MAPK8IP3: variants seen among roughly 807,000 people sequenced by gnomAD.
MAPK8IP3 encodes the protein mitogen-activated protein kinase 8 interacting protein 3.
MAPK8IP3 carries 49 observed loss-of-function variants against 157.8 expected under a neutral mutation model. The observed-to-expected ratio is 0.31, with a 90% confidence interval of 0.25 to 0.39. MAPK8IP3 has a LOEUF of 0.39. Ranked by LOEUF, MAPK8IP3 falls within the 10% of genes least tolerant of loss-of-function variation. The pLI, the probability that MAPK8IP3 is intolerant of heterozygous loss-of-function variation, is 1.00. For missense variants in MAPK8IP3, 1,478 were observed against 1,889.4 expected, an observed-to-expected ratio of 0.78 and a Z score of 4.04; for synonymous variants, 897 against 777.7, an observed-to-expected ratio of 1.15 and a Z score of -2.55.
rs2041839391 is a variant in MAPK8IP3, at chr16:1,759,943, C to T, written c.1247-15C>T. On this transcript the variant is annotated splice_polypyrimidine_tract_variant and intron_variant, in intron 10 of 31. Coordinates refer to ENST00000610761, the MANE Select transcript of MAPK8IP3 (RefSeq NM_001318852.2). Reference sequence around the variant, plus strand: ...TTGAAGGGCACAGGTGAAACCTCCGCACCTTCTGTTTCAGGAATGGGCAAA... The same window carrying T: ...TTGAAGGGCACAGGTGAAACCTCCGTACCTTCTGTTTCAGGAATGGGCAAA... 5 of 1,613,376 alleles carry T rather than the reference C, an allele frequency of 3.1e-6. No individual in the cohort carries two copies. Among genetic ancestry groups the T allele is most frequent in the Admixed American group, 1.7e-5 (1 of 60,030 alleles).
intron 4 of MAPK8IP3, among the ~76,000 whole-genome samples, chr16:1,730,448 AC>A (rs2039229381): frequency 6.6e-6 from 1 of 151,958 alleles, no homozygotes; most frequent in Non-Finnish European, 1.5e-5. Context: ...TATTAAAAAT[AC>A]AAAAATTAAG....
At chr16:1,721,815 G>C (rs2038543721) in intron 1 of MAPK8IP3, among the ~76,000 whole-genome samples, 1 of 152,076 alleles carries the variant, frequency 6.6e-6, no homozygotes, top group Non-Finnish European at 1.5e-5. Context: ...TGTCGCCCAG[G>C]CTGGAGTGCA....
chr16:1,748,975 C>A, intron 8 of MAPK8IP3: 2 of 625,198 alleles, frequency 3.2e-6, no homozygotes, highest in South Asian at 2.9e-5. Flanking sequence ...AGTGTTTGCA[C>A]CCTCCCGTGT....
chr16:1,756,119 C>T (rs1365981698), intron 8 of MAPK8IP3, among the ~76,000 whole-genome samples: 2 of 152,086 alleles, frequency 1.3e-5, no homozygotes, highest in African/African-American at 4.8e-5. Flanking sequence ...TTCGAGGGAG[C>T]AGTCGGGCAG....
chr16:1,745,948 C>G (rs148997433), intron 5 of MAPK8IP3: 1 of 152,350 alleles, frequency 6.6e-6, no homozygotes, highest in African/African-American at 2.4e-5. Flanking sequence ...GAAGTCCCGT[C>G]TGCCCTGGTC....
Position 1,762,466 on chromosome 16 carries a change from G to T in MAPK8IP3, c.1655G>T (p.Trp552Leu). The change falls in exon 14 of 32, where the codon TGG (tryptophan) becomes TTG (leucine). Residue 552 changes from tryptophan to leucine, a missense_variant. This residue lies in a region of MAPK8IP3 where 11 missense variants were observed against 47.3 expected (regional missense o/e 0.23). Transcript: ENST00000610761. ...RLMELQEAVR[W>L]TEMIRASREH... ...ATGGAGCTGCAGGAGGCTGTGCGGTGGACTGAGATGATCAGGTGGGAGTTG... is the reference window on the plus strand; with the variant it reads ...ATGGAGCTGCAGGAGGCTGTGCGGTTGACTGAGATGATCAGGTGGGAGTTG... The T allele has an allele frequency of 6.2e-7, 1 of 1,611,176 alleles. No individual in the cohort carries two copies. The highest frequency in any genetic ancestry group is 8.5e-7 in the Non-Finnish European group (1 of 1,178,946).
chr16:1,735,966 G>T (rs1353928490), intron 4 of MAPK8IP3, among the ~76,000 whole-genome samples: 1 of 145,846 alleles, frequency 6.9e-6, no homozygotes, highest in Non-Finnish European at 1.5e-5. Flanking sequence ...GCCCATGTGA[G>T]CATCCGTGTG....
intron 22 of MAPK8IP3, 21 bp from the exon 23 acceptor site, chr16:1,766,508 G>A (rs772188869): frequency 7.1e-5 from 114 of 1,609,450 alleles, no homozygotes; most frequent in Non-Finnish European, 8.5e-5. Flanking sequence ...GCCCCCCCTG[G>A]AGCCACCGTT....
chr16:1,732,972 A>G (rs1009509231), intron 4 of MAPK8IP3, among the ~76,000 whole-genome samples: 2 of 152,184 alleles, frequency 1.3e-5, no homozygotes, highest in Non-Finnish European at 2.9e-5. Flanking sequence ...ACAGTGGGAG[A>G]TTCTCATTCG....
chr16:1,768,010 C>T (rs900821028), intron 28 of MAPK8IP3, 59 bp from the exon 29 acceptor site: 1 of 1,610,076 alleles, frequency 6.2e-7, no homozygotes, highest in Non-Finnish European at 8.5e-7. Flanking sequence ...TTGGAGGGTG[C>T]CTTGCTGCCC....
chr16:1,748,451 C>A, intron 7 of MAPK8IP3, 105 bp downstream of exon 7: 1 of 1,179,208 alleles, frequency 8.5e-7, no homozygotes, highest in Non-Finnish European at 1.2e-6. Context: ...ACCATCAAGG[C>A]TGTGGCCTAC....
In MAPK8IP3 at chr16:1,748,604, C is replaced by T. The variant is rs768057370; in HGVS notation, c.1100C>T (p.Pro367Leu). 7 of 1,613,304 alleles carry T rather than the reference C, an allele frequency of 4.3e-6. No homozygotes were observed. Among genetic ancestry groups the T allele is most frequent in the Non-Finnish European group, 3.4e-6 (4 of 1,179,362 alleles). The change falls in exon 8 of 32, where the codon CCA (proline) becomes CTA (leucine). Residue 367 changes from proline (P) to leucine (L), a missense_variant and splice_region_variant. Around this residue, in one of 11 missense-constraint regions of MAPK8IP3, gnomAD observed 315 missense variants for 394.4 expected, o/e 0.80. Transcript: ENST00000610761. Reference sequence around the variant, plus strand: ...TCCCGACCTGTGGATCCCAACAGCCCAACCCAGGGCATCGTGAACAAAGCT... The same window carrying T: ...TCCCGACCTGTGGATCCCAACAGCCTAACCCAGGGCATCGTGAACAAAGCT... ...ETRLDRTGSS[P>L]TQGIVNKAFG...
chr16:1,737,048 C>G lies in MAPK8IP3; in HGVS notation c.603-6284C>G, dbSNP rs577127877. Among the ~76,000 whole-genome samples, 4 of 60,588 alleles carry G rather than the reference C, an allele frequency of 6.6e-5. No homozygotes were observed. The South Asian group carries it at 3.5e-3, about 54-fold the overall frequency. 39.7% of individuals were successfully genotyped at this position (60,588 alleles called of 152,430 possible). ...ACCATCCATGTGAGCATCCGTGTGA[C>G]CGTCCGTGTGAGCGTCCGTGTGAGC... On this transcript the variant is annotated intron_variant, in intron 4 of 31. Coordinates refer to ENST00000610761, the MANE Select transcript of MAPK8IP3 (RefSeq NM_001318852.2).
At chr16:1,736,949 T>A (rs2039961177) in intron 4 of MAPK8IP3, among the ~76,000 whole-genome samples, 1 of 77,936 alleles carries the variant, frequency 1.3e-5, no homozygotes, top group Non-Finnish European at 2.5e-5. Context: ...ACCGTCCATG[T>A]GAGCGTGTGA....
chr16:1,760,070 C>T, intron 11 of MAPK8IP3, 55 bp downstream of exon 11: 1 of 1,598,598 alleles, frequency 6.3e-7, no homozygotes, highest in East Asian at 2.2e-5. Flanking sequence ...CTTGTCAGGG[C>T]TGGGAGAGTG....
At chr16:1,759,704 G>T (rs970679595) in intron 10 of MAPK8IP3, among the ~76,000 whole-genome samples, 2 of 152,218 alleles carry the variant, frequency 1.3e-5, no homozygotes, top group East Asian at 3.9e-4. Flanking sequence ...GCCATTCAGG[G>T]GCCTGCGTCC....
intron 13 of MAPK8IP3, 86 bp downstream of exon 13, chr16:1,761,391 C>T (rs1173945315): frequency 1.2e-5 from 14 of 1,147,086 alleles, no homozygotes; most frequent in Middle Eastern, 1.9e-4. Flanking sequence ...CATTCACACA[C>T]AGGGTGACCA....
chr16:1,768,976 G>A lies in MAPK8IP3; in HGVS notation c.*152G>A, dbSNP rs1465672418. The A allele has an allele frequency of 4.7e-6, 4 of 849,172 alleles. No individual in the cohort carries two copies. The highest frequency in any genetic ancestry group is 3.5e-4 in the Middle Eastern group (1 of 2,888). The allele number at this position is 849,172 out of a possible 1,614,324, so 52.6% of individuals were successfully genotyped here. On this transcript the variant is annotated 3_prime_UTR_variant, in exon 32 of 32. Transcript: ENST00000610761. ...TGAGTCTGGCCCCTCCAGCGGGCAG[G>A]GAGTGCGGGGATGCGGATCAGCTGG... is the stretch of plus-strand genomic sequence containing the variant.
chr16:1,764,240 G>C (rs1373332926), intron 18 of MAPK8IP3, 30 bp downstream of exon 18: 17 of 1,602,866 alleles, frequency 1.1e-5, no homozygotes, highest in Non-Finnish European at 1.3e-5. Context: ...GCTCAGGCTG[G>C]CTGGGCGAGC....
Sources: gnomAD v4.1 joint callset for allele counts (sites outside exome capture counted in the v4.1 genomes callset) on GRCh38, gnomAD v4.1.1 for gene constraint, gnomAD v4.1.1 regional missense constraint, MANE v1.5 for transcripts, NCBI Gene and HGNC (gene_info 2026-07-23, HGNC 2026-07-21) for gene names.